Variants in OR3A2 observed in about 807,000 individuals in gnomAD.
OR3A2 encodes the protein olfactory receptor 3A2.
For missense variants in OR3A2, 318 were observed against 392.8 expected (o/e 0.81, Z 1.61); for synonymous variants, 126 against 159.3 (o/e 0.79, Z 1.57).
chr17:3,324,681 T>G (rs911471826), intron 3 of OR3A2, among the ~76,000 whole-genome samples: 1 of 152,064 alleles, frequency 6.6e-6, no homozygotes, highest in African/African-American at 2.4e-5. Flanking sequence ...GCAGATTTGG[T>G]GAACCGCAAA....
Position 3,311,824 on chromosome 17 carries a change from C to CACCGAGA in OR3A2, c.-85+24208_-85+24209insTCTCGGT. 5.2e-6 allele frequency: 1 copy of CACCGAGA among 191,272 alleles called. No individual in the cohort carries two copies. Among genetic ancestry groups the CACCGAGA allele is most frequent in the Non-Finnish European group, 1.1e-5 (1 of 89,978 alleles). 11.8% of individuals were successfully genotyped at this position (191,272 alleles called of 1,614,324 possible). A position where few individuals can be genotyped will look rare whatever the true frequency, so the allele number is the denominator to read the frequency against. On this transcript the variant is annotated intron_variant, in intron 3 of 4. Transcript: ENST00000573491. The surrounding 1 kb of genome is among the most constrained non-coding windows in gnomAD (Gnocchi z 4.6). ...AGACAAAGATAAGGGGATTGGGATC[C>CACCGAGA]TCAACACTATCCTCAGTCCCATGCT...
At chr17:3,305,767 A>C (rs1385024295) in intron 3 of OR3A2, among the ~76,000 whole-genome samples, 1 of 152,248 alleles carries the variant, frequency 6.6e-6, no homozygotes, top group African/African-American at 2.4e-5. Flanking sequence ...TTTTGTAATA[A>C]AATTCTATTA....
intron 2 of OR3A2, among the ~76,000 whole-genome samples, chr17:3,371,565 G>A (rs1456498761): frequency 1.4e-5 from 2 of 141,562 alleles, no homozygotes; most frequent in Non-Finnish European, 3.1e-5. Flanking sequence ...GGCCGGGCGG[G>A]GGGCTGATTC....
At chr17:3,351,244 C>G (rs1224740285) in intron 2 of OR3A2, among the ~76,000 whole-genome samples, 1 of 111,836 alleles carries the variant, frequency 8.9e-6, no homozygotes, top group Non-Finnish European at 1.9e-5. Flanking sequence ...GTCAAATTGT[C>G]CCTGTTTGCA....
At chr17:3,299,814 A>C (rs1471012494) in intron 3 of OR3A2, among the ~76,000 whole-genome samples, 11 of 152,320 alleles carry the variant, frequency 7.2e-5, no homozygotes, top group South Asian at 2.1e-4. Context: ...ATGTGTAAAA[A>C]CAGAATAATA....
In OR3A2 at chr17:3,311,050, A is replaced by G; in HGVS notation, c.-85+24983T>C. 1.8e-6 allele frequency: 1 copy of G among 545,720 alleles called. No individual in the cohort carries two copies. Among genetic ancestry groups the G allele is most frequent in the Non-Finnish European group, 3.7e-6 (1 of 267,644 alleles). 33.8% of individuals were successfully genotyped at this position (545,720 alleles called of 1,614,324 possible). A position where few individuals can be genotyped will look rare whatever the true frequency, so the allele number is the denominator to read the frequency against. On this transcript the variant is annotated intron_variant, in intron 3 of 4. Coordinates refer to the OR3A2 transcript ENST00000573491. This position sits in a 1 kb window ranked among gnomAD's most constrained non-coding sequence, Gnocchi z 4.6. ...AAAGCCTTCTCCACGTGTAGTTCCC[A>G]CCTCACTGTGGTGGGCATCTTCTAT...
rs975585489 is a variant in OR3A2 at position 3,359,752 on chromosome 17, A to G, written c.-178-23626T>C. On this transcript the variant is annotated intron_variant, in intron 2 of 4. Coordinates refer to the OR3A2 transcript ENST00000573491. ...ATGTCCCTACAAAGGACATGAACTC[A>G]TCCTTTTTTATGGCTGCATAGTATT... is the stretch of plus-strand genomic sequence containing the variant. 2.0e-5 allele frequency among the ~76,000 whole-genome samples: 3 copies of G among 151,574 alleles called. 1 individual carries two copies. The highest frequency in any genetic ancestry group is 4.9e-5 in the African/African-American group (2 of 40,920).
chr17:3,380,332 T>C (rs958787013), intron 2 of OR3A2, among the ~76,000 whole-genome samples: 2 of 152,266 alleles, frequency 1.3e-5, no homozygotes, highest in East Asian at 1.9e-4. Flanking sequence ...GGATGAACCA[T>C]AGGTGGGTTC....
At chr17:3,382,832 T>G (rs1447260727) in intron 2 of OR3A2, among the ~76,000 whole-genome samples, 1 of 152,190 alleles carries the variant, frequency 6.6e-6, no homozygotes, top group Admixed American at 6.5e-5. Flanking sequence ...AGGAAACCAC[T>G]CCCACTTTGT....
chr17:3,290,683 C>G (rs543778307), intron 3 of OR3A2, among the ~76,000 whole-genome samples: 105 of 152,296 alleles, frequency 6.9e-4, no homozygotes, highest in African/African-American at 2.5e-3. Context: ...GCTGGTTTAA[C>G]TTCAAGCAAG....
intron 3 of OR3A2, chr17:3,310,453 TC>T (rs774878407): frequency 1.9e-6 from 1 of 535,658 alleles, no homozygotes; most frequent in East Asian, 5.4e-5. Context: ...ACCCTCAGCA[TC>T]CTGGCGGCCA....
chr17:3,326,359 A>G (rs1020776297), intron 3 of OR3A2, among the ~76,000 whole-genome samples: 1 of 152,098 alleles, frequency 6.6e-6, no homozygotes, highest in African/African-American at 2.4e-5. Context: ...AAACCATAGA[A>G]GAAAATCTAG....
chr17:3,313,220 G>A (rs9898607), intron 3 of OR3A2, among the ~76,000 whole-genome samples: 23,062 of 152,200 alleles, frequency 0.15, 2,329 homozygotes, highest in African/African-American at 0.28. Context: ...GAAGTTGGAA[G>A]TTGAAGACTC....
chr17:3,313,723 C>G (rs745702116), intron 3 of OR3A2, among the ~76,000 whole-genome samples: 1 of 152,340 alleles, frequency 6.6e-6, no homozygotes, highest in African/African-American at 2.4e-5. Flanking sequence ...CACAGCATGA[C>G]AGCATCATAA....
intron 2 of OR3A2, among the ~76,000 whole-genome samples, chr17:3,376,639 C>A (rs2049687243): frequency 6.6e-6 from 1 of 152,182 alleles, no homozygotes; most frequent in South Asian, 2.1e-4. Context: ...CCCATCATGA[C>A]CCACCAATAG....
At chr17:3,282,215 C>G (rs1022606089) in intron 1 of OR3A2, among the ~76,000 whole-genome samples, 3 of 152,114 alleles carry the variant, frequency 2.0e-5, no homozygotes, top group African/African-American at 7.2e-5. Flanking sequence ...GAGATTGACA[C>G]CATCCTGGCT....
intron 3 of OR3A2, among the ~76,000 whole-genome samples, chr17:3,309,171 G>A (rs1287726739): frequency 6.6e-6 from 1 of 152,154 alleles, no homozygotes; most frequent in Non-Finnish European, 1.5e-5. Flanking sequence ...CTCCCAAAGT[G>A]CTAGGATTAC....
At chr17:3,325,618 G>A (rs554587155) in intron 3 of OR3A2, among the ~76,000 whole-genome samples, 6 of 152,034 alleles carry the variant, frequency 3.9e-5, no homozygotes, top group East Asian at 3.9e-4. Flanking sequence ...ACAGCAGTCC[G>A]TGTTAGTATA....
At chr17:3,359,658 G>A (rs1311991805) in intron 2 of OR3A2, among the ~76,000 whole-genome samples, 1 of 151,570 alleles carries the variant, frequency 6.6e-6, no homozygotes, top group Non-Finnish European at 1.5e-5. Flanking sequence ...TAGCCTAATG[G>A]GGTTCCCTTT....
Sources: gnomAD v4.1 joint callset for allele counts (sites outside exome capture counted in the v4.1 genomes callset) on GRCh38, gnomAD v4.1.1 for gene constraint, Gnocchi (gnomAD v3.1) non-coding constraint, MANE v1.5 for transcripts, NCBI Gene and HGNC (gene_info 2026-07-23, HGNC 2026-07-21) for gene names.